Variants in PTPRS observed in about 807,000 individuals in gnomAD.
The protein encoded by PTPRS is protein tyrosine phosphatase receptor type S, also known as receptor-type tyrosine-protein phosphatase S.
PTPRS carries 63 observed loss-of-function variants against 215.3 expected under a neutral mutation model. The ratio of observed to expected loss-of-function variants is 0.29; its 90% CI spans 0.24 to 0.36. PTPRS has a LOEUF of 0.36. Ranked by LOEUF, PTPRS falls within the 10% of genes least tolerant of loss-of-function variation. The probability of loss-of-function intolerance (pLI) is 1.00; values close to 1 mark genes in which losing one functional copy is unlikely to be tolerated. For missense variants in PTPRS, 2,258 were observed against 2,825.8 expected, an observed-to-expected ratio of 0.80 and a Z score of 4.56; for synonymous variants, 1,404 against 1,191.4, an observed-to-expected ratio of 1.18 and a Z score of -3.68.
chr19:5,216,816 G>A (rs775265305), intron 25 of PTPRS, 49 bp from the exon 26 acceptor site: 1 of 1,319,896 alleles, frequency 7.6e-7, no homozygotes, highest in South Asian at 1.3e-5. Context: ...GGGGTAGGGG[G>A]GGGTCCCACC....
chr19:5,269,452 C>T (rs2046715338), intron 4 of PTPRS, among the ~76,000 whole-genome samples: 1 of 152,124 alleles, frequency 6.6e-6, no homozygotes, highest in Non-Finnish European at 1.5e-5. Flanking sequence ...GGGAGTGGCC[C>T]TGGCAGTCCA....
chr19:5,259,206 C>G (rs1159481107), intron 7 of PTPRS, among the ~76,000 whole-genome samples: 1 of 152,094 alleles, frequency 6.6e-6, no homozygotes, highest in Admixed American at 6.6e-5. Flanking sequence ...ACCACAGGCC[C>G]AAATCCAAGG....
At chr19:5,329,934 G>A (rs969730253) in intron 1 of PTPRS, among the ~76,000 whole-genome samples, 3 of 151,782 alleles carry the variant, frequency 2.0e-5, no homozygotes, top group East Asian at 1.9e-4. Flanking sequence ...AAAACTAGCC[G>A]CCGAGCATGG....
chr19:5,305,002 G>A (rs956777443), intron 1 of PTPRS, among the ~76,000 whole-genome samples: 95 of 152,022 alleles, frequency 6.2e-4, no homozygotes, highest in African/African-American at 2.3e-3. Flanking sequence ...GAGCTCAGGT[G>A]GGGGCATGAC....
chr19:5,247,825 G>A (rs929810278), intron 9 of PTPRS, among the ~76,000 whole-genome samples: 5 of 151,960 alleles, frequency 3.3e-5, no homozygotes, highest in Admixed American at 6.6e-5. Flanking sequence ...CGGGCGGGAG[G>A]CAAAGAGAAG....
chr19:5,283,450 G>A (rs2048047526), intron 2 of PTPRS, among the ~76,000 whole-genome samples: 1 of 152,118 alleles, frequency 6.6e-6, no homozygotes. Flanking sequence ...GGTGGCGGGT[G>A]CCAGTAATCC....
intron 17 of PTPRS, 69 bp downstream of exon 17, chr19:5,225,656 CTG>C (rs1480954997): frequency 4.5e-6 from 6 of 1,326,212 alleles, no homozygotes; most frequent in Non-Finnish European, 6.5e-6. Context: ...CTCAAGGACT[CTG>C]GAGTCACGCT....
Position 5,213,858 on chromosome 19 carries a change from G to C in PTPRS, c.4614+503C>G, listed in dbSNP as rs533142277. On this transcript the variant is annotated intron_variant, in intron 30 of 37. Transcript: ENST00000262963. ...TGGATGGCAGAATTGTCCTAATTCA[G>C]AACCACAGATGGAGAAAAACAGATG... Among the ~76,000 whole-genome samples the C allele has an allele frequency of 3.9e-5, 6 of 152,334 alleles. No individual in the cohort carries two copies. The South Asian group carries it at 1.2e-3, about 32-fold the overall frequency.
chr19:5,335,930 T>G (rs1025366095), intron 1 of PTPRS, among the ~76,000 whole-genome samples: 2 of 151,044 alleles, frequency 1.3e-5, no homozygotes, highest in Non-Finnish European at 2.9e-5. Flanking sequence ...ATTCCACGGC[T>G]AGCCCAGAAT....
At position 5,273,511 on chromosome 19, in the gene PTPRS, C is replaced by T. The variant is rs745579115; in HGVS notation, c.310G>A (p.Val104Met). 2.1e-5 allele frequency: 34 copies of T among 1,614,056 alleles called. No homozygotes were observed. Among genetic ancestry groups the T allele is most frequent in the Non-Finnish European group, 2.6e-5 (31 of 1,180,036 alleles). ...QPLRTPRDEN[V>M]YECVAQNSVG... is the part of the protein sequence containing the mutation. ...GAGTTCTGGGCCACACACTCGTACA[C>T]GTTTTCATCCCGCGGTGTCCTCAGC... Residue 104 changes from valine (V) to methionine (M), a missense_variant, in exon 4 of 38, where the codon GTG becomes ATG. Coordinates refer to ENST00000262963, the MANE Select transcript of PTPRS (RefSeq NM_002850.4).
At chr19:5,207,165 A>C (rs2040435084) in intron 37 of PTPRS, among the ~76,000 whole-genome samples, 1 of 152,258 alleles carries the variant, frequency 6.6e-6, no homozygotes, top group South Asian at 2.1e-4. Context: ...GCTCCCTGCA[A>C]CCTCTGTCTC....
intron 4 of PTPRS, among the ~76,000 whole-genome samples, chr19:5,271,083 C>T (rs909670682): frequency 2.0e-5 from 3 of 152,172 alleles, no homozygotes; most frequent in African/African-American, 7.2e-5. Flanking sequence ...AGCTGGGCTG[C>T]CGTGGAGGAC....
intron 35 of PTPRS, among the ~76,000 whole-genome samples, 166 bp from the exon 36 acceptor site, chr19:5,208,557 C>T (rs1022018666): frequency 6.6e-6 from 1 of 152,128 alleles, no homozygotes; most frequent in African/African-American, 2.4e-5. Flanking sequence ...TCTCGGCTCA[C>T]TGCAACCTCC....
intron 9 of PTPRS, among the ~76,000 whole-genome samples, chr19:5,250,591 G>A (rs539011496): frequency 4.5e-5 from 6 of 133,108 alleles, no homozygotes; most frequent in Admixed American, 8.9e-5. Flanking sequence ...AGCTCTTCTC[G>A]TCACCGAGTA....
chr19:5,249,247 G>C (rs1192653963), intron 9 of PTPRS, among the ~76,000 whole-genome samples: 1 of 152,212 alleles, frequency 6.6e-6, no homozygotes, highest in Non-Finnish European at 1.5e-5. Context: ...GGAGGCAGAG[G>C]TTGCAGTGAA....
At chr19:5,316,509 G>A (rs751699473) in intron 1 of PTPRS, among the ~76,000 whole-genome samples, 1 of 151,988 alleles carries the variant, frequency 6.6e-6, no homozygotes, top group Non-Finnish European at 1.5e-5. Flanking sequence ...TCTCCTGCCT[G>A]AGCCTTCCAA....
intron 1 of PTPRS, among the ~76,000 whole-genome samples, chr19:5,302,965 G>C (rs1046345207): frequency 6.6e-6 from 1 of 151,926 alleles, no homozygotes; most frequent in Non-Finnish European, 1.5e-5. Flanking sequence ...AGCTACTCGG[G>C]AGGCTGAGGC....
At chr19:5,272,595 CAAAA>C (rs10527451) in intron 4 of PTPRS, among the ~76,000 whole-genome samples, 10 of 73,428 alleles carry the variant, frequency 1.4e-4, no homozygotes, top group African/African-American at 2.4e-4. Context: ...AAGACTGTCT[CAAAA>C]AAAAAAAAAA....
intron 14 of PTPRS, among the ~76,000 whole-genome samples, chr19:5,230,943 T>A (rs2042959684): frequency 2.0e-5 from 3 of 152,164 alleles, no homozygotes; most frequent in Non-Finnish European, 4.4e-5. Context: ...CACAAACTGG[T>A]CTCCATCCAC....
Sources: allele counts gnomAD v4.1 joint callset (sites outside exome capture counted in the v4.1 genomes callset), GRCh38; gene constraint gnomAD v4.1.1; transcripts MANE v1.5; gene names NCBI Gene and HGNC (gene_info 2026-07-23, HGNC 2026-07-21).